The following C1orf52 variants were observed in gnomAD, a reference collection of about 807,000 sequenced individuals.
C1orf52 encodes chromosome 1 open reading frame 52.
C1orf52 carries 5 observed loss-of-function variants against 17.2 expected under a neutral mutation model. That is an observed-to-expected ratio of 0.29 (90% CI 0.15 to 0.61). The LOEUF (loss-of-function observed/expected upper bound fraction) is 0.61. Ranked by LOEUF, C1orf52 falls within the 20% of genes least tolerant of loss-of-function variation. The probability of loss-of-function intolerance (pLI) is 0.85; values close to 1 mark genes in which losing one functional copy is unlikely to be tolerated. For synonymous variants in C1orf52, 110 were observed against 88.0 expected (o/e 1.25, Z -1.40); for missense variants, 245 against 234.1 (o/e 1.05, Z -0.30).
intron 2 of C1orf52, among the ~76,000 whole-genome samples, chr1:85,256,724 G>A (rs1270787268): frequency 6.6e-6 from 1 of 150,712 alleles, no homozygotes; most frequent in Non-Finnish European, 1.5e-5. Context: ...GCGTGAACCC[G>A]GGAGGCGGAG....
chr1:85,253,231 T>C (rs143825834), intron 2 of C1orf52, among the ~76,000 whole-genome samples: 158 of 152,354 alleles, frequency 1.0e-3, no homozygotes, highest in African/African-American at 9.6e-4. Context: ...AGTATTTACA[T>C]TGTATATATT....
At chr1:85,254,022 C>A (rs1238552112) in intron 2 of C1orf52, among the ~76,000 whole-genome samples, 3 of 152,092 alleles carry the variant, frequency 2.0e-5, no homozygotes. Context: ...TTGAAAGGAG[C>A]CTTCATTATT....
In C1orf52 at chr1:85,252,676, T is replaced by A. The variant is rs1365148139; in HGVS notation, c.502A>T (p.Lys168Ter). The A allele has an allele frequency of 6.2e-7, 1 of 1,613,372 alleles. No individual in the cohort carries two copies. The highest frequency in any genetic ancestry group is 1.1e-5 in the South Asian group (1 of 90,998). ...SDDEKDEHTS[K>*]KRKVEPGEPA... ...TCTCCTGGCTCTACTTTGCGCTTTT[T>A]AGAAGTATGCTCATCTTTTTCATCA... The change falls in exon 3 of 3, where the codon AAA becomes TAA. Residue 168 changes from lysine (K) to a stop codon, truncating the protein, a stop_gained. Transcript: ENST00000471115. LOFTEE classifies it high-confidence loss of function.
chr1:85,259,191 G>C, intron 1 of C1orf52, 167 bp downstream of exon 1: 1 of 1,133,302 alleles, frequency 8.8e-7, no homozygotes, highest in Non-Finnish European at 1.2e-6. Context: ...CCACCAGGCG[G>C]GGAGAGGGGG....
At chr1:85,257,315 G>A (rs1486649543) in intron 2 of C1orf52, 2 of 624,280 alleles carry the variant, frequency 3.2e-6, no homozygotes, top group Non-Finnish European at 5.8e-6. Context: ...ATAATTATTA[G>A]AGGTGATACC....
chr1:85,250,872 C>T lies in C1orf52; in HGVS notation c.*1757G>A, dbSNP rs560933524. The T allele has an allele frequency of 6.6e-6, 1 of 152,318 alleles. No individual in the cohort carries two copies. The highest frequency in any genetic ancestry group is 1.9e-4 in the East Asian group (1 of 5,184). The allele number at this position is 152,318 out of a possible 1,614,324, so 9.4% of individuals were successfully genotyped here. A position where few individuals can be genotyped will look rare whatever the true frequency, so the allele number is the denominator to read the frequency against. On this transcript the variant is annotated 3_prime_UTR_variant, in exon 3 of 3. Transcript: ENST00000471115. Reference sequence around the variant, plus strand: ...TGCCACTCCTTAGTATATGATACCACAGATTTCCAAATTCATTACAAAGAC... The same window carrying T: ...TGCCACTCCTTAGTATATGATACCATAGATTTCCAAATTCATTACAAAGAC...
chr1:85,252,843 G>A (rs1015331898), intron 2 of C1orf52, 141 bp from the exon 3 acceptor site: 6 of 618,246 alleles, frequency 9.7e-6, no homozygotes, highest in African/African-American at 5.7e-5. Flanking sequence ...TAAAAAACAA[G>A]AATTAACTTT....
At chr1:85,257,090 CTGTT>C (rs1202742265) in intron 2 of C1orf52, among the ~76,000 whole-genome samples, 6 of 152,216 alleles carry the variant, frequency 3.9e-5, no homozygotes. Context: ...GATCAGAAAT[CTGTT>C]TAACAAAAAT....
chr1:85,258,736 A>G lies in C1orf52; in HGVS notation c.277-14T>C. ...TTCCTTTGGAGGCTGTTAAGCAAGC[A>G]CATTAAGAAGCACTGTGACGAACCG... is the stretch of plus-strand genomic sequence containing the variant. On this transcript the variant is annotated splice_polypyrimidine_tract_variant and intron_variant, in intron 1 of 2. Coordinates refer to ENST00000471115, the MANE Select transcript of C1orf52 (RefSeq NM_198077.4). 6.3e-7 allele frequency: 1 copy of G among 1,592,422 alleles called. No individual in the cohort carries two copies. Among genetic ancestry groups the G allele is most frequent in the Non-Finnish European group, 8.5e-7 (1 of 1,173,168 alleles).
chr1:85,257,357 G>A (rs1188898051), intron 2 of C1orf52: 4 of 657,778 alleles, frequency 6.1e-6, no homozygotes, highest in Non-Finnish European at 8.3e-6. Context: ...GGATTTTGAA[G>A]GATGAATTAG....
In C1orf52 at chr1:85,252,699, T is replaced by C. The variant is rs1659829555; in HGVS notation, c.479A>G (p.Asp160Gly). The C allele has an allele frequency of 2.5e-6, 4 of 1,609,754 alleles. No homozygotes were observed. The highest frequency in any genetic ancestry group is 2.7e-5 in the African/African-American group (2 of 74,802). Reference sequence around the variant, plus strand: ...TTTAGAAGTATGCTCATCTTTTTCATCATCTTTAAATAGAAAAGGAAGAGT... The same window carrying C: ...TTTAGAAGTATGCTCATCTTTTTCACCATCTTTAAATAGAAAAGGAAGAGT... Reference protein sequence around the residue: ...PEGEETLESDDEKDEHTSKKR... With the variant: ...PEGEETLESDGEKDEHTSKKR... The change falls in exon 3 of 3, where the codon GAT becomes GGT. Residue 160 changes from aspartate (D) to glycine (G), a missense_variant. By Grantham distance (94) the Asp-to-Gly change is moderately conservative. Coordinates refer to ENST00000471115, the MANE Select transcript of C1orf52 (RefSeq NM_198077.4).
intron 1 of C1orf52, 67 bp from the exon 2 acceptor site, chr1:85,258,789 G>C (rs1445462028): frequency 2.0e-5 from 29 of 1,439,746 alleles, no homozygotes; most frequent in Non-Finnish European, 2.4e-5. Context: ...GTGGGCACAT[G>C]CAACTCCCTG....
intron 2 of C1orf52, among the ~76,000 whole-genome samples, chr1:85,256,103 T>G (rs1175281046): frequency 6.6e-6 from 1 of 152,228 alleles, no homozygotes; most frequent in Non-Finnish European, 1.5e-5. Context: ...TTTACTGCCA[T>G]TCGCCCTACA....
intron 1 of C1orf52, chr1:85,259,013 C>T: frequency 1.4e-5 from 19 of 1,346,652 alleles, no homozygotes; most frequent in Non-Finnish European, 1.7e-5. Context: ...GTCTTGGAGG[C>T]AGCACCGCAG....
chr1:85,259,251 G>A, intron 1 of C1orf52, 107 bp downstream of exon 1: 2 of 1,393,612 alleles, frequency 1.4e-6, no homozygotes, highest in Non-Finnish European at 1.9e-6. Flanking sequence ...GCATCCCGCG[G>A]GGGTGACTGC....
intron 2 of C1orf52, among the ~76,000 whole-genome samples, chr1:85,256,767 C>A (rs865851692): frequency 1.4e-5 from 2 of 142,860 alleles, no homozygotes; most frequent in Non-Finnish European, 3.0e-5. Flanking sequence ...CCACTGCACT[C>A]CAGCCTGGGC....
chr1:85,256,581 C>T (rs1307934787), intron 2 of C1orf52, among the ~76,000 whole-genome samples: 4 of 152,168 alleles, frequency 2.6e-5, no homozygotes, highest in South Asian at 4.1e-4. Flanking sequence ...GGGCAGATCA[C>T]GAGGTCAGGA....
chr1:85,259,338 A>C lies in C1orf52; in HGVS notation c.276+20T>G, dbSNP rs1430124784. 1 of 1,602,594 alleles carries C rather than the reference A, an allele frequency of 6.2e-7. No individual in the cohort carries two copies. Among genetic ancestry groups the C allele is most frequent in the Non-Finnish European group, 8.5e-7 (1 of 1,171,012 alleles). On this transcript the variant is annotated intron_variant, in intron 1 of 2. Transcript: ENST00000471115. Reference sequence around the variant, plus strand: ...GCGCAGGCCGGGGCCGAGACCGAGAAACGGGGTCGGGGACCTCACCTCCTC... The same window carrying C: ...GCGCAGGCCGGGGCCGAGACCGAGACACGGGGTCGGGGACCTCACCTCCTC...
At position 85,259,516 on chromosome 1, in the gene C1orf52, C is replaced by A. The variant is rs1203435005; in HGVS notation, c.118G>T (p.Asp40Tyr). 3.1e-6 allele frequency: 5 copies of A among 1,613,804 alleles called. No homozygotes were observed. The highest frequency in any genetic ancestry group is 4.2e-6 in the Non-Finnish European group (5 of 1,180,034). The change falls in exon 1 of 3, where the codon GAT becomes TAT. Residue 40 changes from aspartate to tyrosine, a missense_variant. Transcript: ENST00000471115. ...EPEETSRRTP[D>Y]PAKSAGGCRN... ...CAGCCGCCCGCCGACTTCGCCGGAT[C>A]CGGGGTTCTGCGACTCGTCTCCTCC...
Sources: allele counts gnomAD v4.1 joint callset (sites outside exome capture counted in the v4.1 genomes callset), GRCh38; gene constraint gnomAD v4.1.1; transcripts MANE v1.5; gene names NCBI Gene and HGNC (gene_info 2026-07-23, HGNC 2026-07-21).